Variants in HS6ST3 observed in about 807,000 individuals in gnomAD.
HS6ST3 encodes the protein heparan-sulfate 6-O-sulfotransferase 3.
HS6ST3 carries 12 observed loss-of-function variants against 36.7 expected under a neutral mutation model. That is an observed-to-expected ratio of 0.33 (90% CI 0.21 to 0.53). The LOEUF (loss-of-function observed/expected upper bound fraction) is 0.53, where lower values mean the gene tolerates loss of function less well. HS6ST3 is among the 20% of genes least tolerant of loss of function. HS6ST3 has a pLI of 0.95. For missense variants in HS6ST3, 584 were observed against 640.9 expected, an observed-to-expected ratio of 0.91 and a Z score of 0.96; for synonymous variants, 240 against 257.5, an observed-to-expected ratio of 0.93 and a Z score of 0.65.
At chr13:96,506,195 A>G (rs1483318714) in intron 1 of HS6ST3, among the ~76,000 whole-genome samples, 1 of 152,148 alleles carries the variant, frequency 6.6e-6, no homozygotes, top group Non-Finnish European at 1.5e-5. Context: ...CAGTGATAAT[A>G]ATAGTAATAG....
intron 1 of HS6ST3, among the ~76,000 whole-genome samples, chr13:96,443,731 C>G (rs1025877547): frequency 3.9e-5 from 6 of 152,140 alleles, no homozygotes; most frequent in Non-Finnish European, 7.4e-5. Context: ...GTGTCTGAAC[C>G]TGCATAGTTA....
intron 1 of HS6ST3, among the ~76,000 whole-genome samples, chr13:96,286,812 T>G (rs2054805688): frequency 6.6e-6 from 1 of 152,088 alleles, no homozygotes; most frequent in African/African-American, 2.4e-5. Context: ...AATGCTCCTG[T>G]TTTCAGAATG....
At chr13:96,785,265 G>A (rs942628746) in intron 1 of HS6ST3, among the ~76,000 whole-genome samples, 1 of 152,188 alleles carries the variant, frequency 6.6e-6, no homozygotes, top group African/African-American at 2.4e-5. Context: ...CTAGAGAGAT[G>A]GATGCTAACC....
chr13:96,795,707 G>T (rs181659872), intron 1 of HS6ST3, among the ~76,000 whole-genome samples: 21 of 152,190 alleles, frequency 1.4e-4, no homozygotes, highest in Non-Finnish European at 2.8e-4. Flanking sequence ...CGCCCAGAGG[G>T]CCCAAAGAGA....
chr13:96,765,764 T>G (rs1877096909), intron 1 of HS6ST3, among the ~76,000 whole-genome samples: 1 of 152,010 alleles, frequency 6.6e-6, no homozygotes, highest in African/African-American at 2.4e-5. Context: ...ATAGACTGAG[T>G]TTTAAAGAGC....
intron 1 of HS6ST3, among the ~76,000 whole-genome samples, chr13:96,772,223 C>T (rs897830242): frequency 2.6e-5 from 4 of 152,206 alleles, no homozygotes; most frequent in Non-Finnish European, 4.4e-5. Flanking sequence ...CCAGCTGCCT[C>T]GGGCCTCCTG....
chr13:96,428,428 T>C (rs1470172612), intron 1 of HS6ST3, among the ~76,000 whole-genome samples: 3 of 152,130 alleles, frequency 2.0e-5, no homozygotes, highest in Non-Finnish European at 4.4e-5. Context: ...AGACTGGAGG[T>C]CTGAAATCAG....
At chr13:96,256,427 A>G (rs1013931087) in intron 1 of HS6ST3, among the ~76,000 whole-genome samples, 2 of 152,158 alleles carry the variant, frequency 1.3e-5, no homozygotes, top group African/African-American at 2.4e-5. Flanking sequence ...TTCTTTAAAG[A>G]GGATATTGAT....
chr13:96,314,469 G>T (rs921658853), intron 1 of HS6ST3, among the ~76,000 whole-genome samples: 14 of 152,040 alleles, frequency 9.2e-5, no homozygotes, highest in African/African-American at 3.4e-4. Context: ...GAAAGAAAAC[G>T]AAAGAGAAAT....
chr13:96,579,647 T>C lies in HS6ST3; in HGVS notation c.708-252843T>C, dbSNP rs72642777. On this transcript the variant is annotated intron_variant, in intron 1 of 1. Coordinates refer to ENST00000376705, the MANE Select transcript of HS6ST3 (RefSeq NM_153456.4). Reference sequence around the variant, plus strand: ...AAAAAAGAAGTCAACAAGCCAATGCTAAGCGAGATATCATCAGGGCAAAAA... The same window carrying C: ...AAAAAAGAAGTCAACAAGCCAATGCCAAGCGAGATATCATCAGGGCAAAAA... Among the ~76,000 whole-genome samples, 800 of 152,270 alleles carry C rather than the reference T, an allele frequency of 5.3e-3. 7 individuals are homozygous for C. Among genetic ancestry groups the C allele is most frequent in the Middle Eastern group, 0.014 (4 of 294 alleles).
Position 96,834,416 on chromosome 13 carries a change from G to C in HS6ST3, c.*1218G>C, listed in dbSNP as rs1878878244. ...CCTACATGATCTTTACCTGTTGTTA[G>C]ACTGTGGCCACAGCCAGTAAATCAG... On this transcript the variant is annotated 3_prime_UTR_variant, in exon 2 of 2. Coordinates refer to ENST00000376705, the MANE Select transcript of HS6ST3 (RefSeq NM_153456.4). 1 of 152,184 alleles carries C rather than the reference G, an allele frequency of 6.6e-6. No individual in the cohort carries two copies. The highest frequency in any genetic ancestry group is 1.5e-5 in the Non-Finnish European group (1 of 68,052). The allele number at this position is 152,184 out of a possible 1,614,324, so 9.4% of individuals were successfully genotyped here.
chr13:96,325,260 G>C (rs934183098), intron 1 of HS6ST3, among the ~76,000 whole-genome samples: 6 of 152,074 alleles, frequency 3.9e-5, no homozygotes, highest in Admixed American at 2.6e-4. Flanking sequence ...TTATATAAAT[G>C]ATACTCCTTC....
At chr13:96,615,822 T>G (rs978765568) in intron 1 of HS6ST3, among the ~76,000 whole-genome samples, 1 of 152,226 alleles carries the variant, frequency 6.6e-6, no homozygotes, top group Non-Finnish European at 1.5e-5. Context: ...AAAGCTGATT[T>G]CATATCCACA....
chr13:96,604,109 G>T (rs565945506), intron 1 of HS6ST3, among the ~76,000 whole-genome samples: 1 of 152,170 alleles, frequency 6.6e-6, no homozygotes, highest in South Asian at 2.1e-4. Flanking sequence ...TATAGGAGCA[G>T]TTCTGGCTGT....
intron 1 of HS6ST3, among the ~76,000 whole-genome samples, chr13:96,830,221 G>C (rs1418715685): frequency 1.3e-5 from 2 of 152,142 alleles, no homozygotes; most frequent in Non-Finnish European, 2.9e-5. Context: ...GGTAGATTAA[G>C]TGTACTCAAT....
intron 1 of HS6ST3, among the ~76,000 whole-genome samples, chr13:96,183,286 G>A (rs1347500816): frequency 2.0e-5 from 3 of 152,076 alleles, no homozygotes; most frequent in Non-Finnish European, 4.4e-5. Flanking sequence ...GGTAAGAGAG[G>A]CTGAACTGAA....
intron 1 of HS6ST3, among the ~76,000 whole-genome samples, chr13:96,710,134 T>C (rs1399742771): frequency 6.6e-6 from 1 of 152,250 alleles, no homozygotes; most frequent in Admixed American, 6.5e-5. Context: ...CTGCTGTGGT[T>C]ACTATTATTC....
At chr13:96,468,469 T>TACACACACACAC (rs146508827) in intron 1 of HS6ST3, among the ~76,000 whole-genome samples, 2 of 46,152 alleles carry the variant, frequency 4.3e-5, no homozygotes, top group Non-Finnish European at 1.2e-4. Flanking sequence ...TAACAGGACA[T>TACACACACACAC]ACACACATAC....
At chr13:96,556,634 T>C (rs897386126) in intron 1 of HS6ST3, among the ~76,000 whole-genome samples, 4 of 152,124 alleles carry the variant, frequency 2.6e-5, no homozygotes, top group African/African-American at 9.7e-5. Context: ...TTTGAGCTGA[T>C]TAGGAAAAAT....
Sources: gnomAD v4.1 joint callset for allele counts (sites outside exome capture counted in the v4.1 genomes callset) on GRCh38, gnomAD v4.1.1 for gene constraint, MANE v1.5 for transcripts, NCBI Gene and HGNC (gene_info 2026-07-23, HGNC 2026-07-21) for gene names.